ATG10: variants seen among roughly 807,000 people sequenced by gnomAD.
The protein encoded by ATG10 is ubiquitin-like-conjugating enzyme ATG10.
A neutral mutation model predicts 32.1 loss-of-function variants in ATG10; 30 were observed. That is an observed-to-expected ratio of 0.94 (90% confidence interval 0.70 to 1.27). ATG10 has a LOEUF of 1.27. ATG10 is among the 50% of genes most tolerant of loss of function. The pLI is 0.00. For synonymous variants in ATG10, 87 were observed against 91.5 expected (o/e 0.95, Z 0.28); for missense variants, 233 against 262.3 (o/e 0.89, Z 0.77).
intron 4 of ATG10, among the ~76,000 whole-genome samples, chr5:82,169,813 TC>T (rs1392959792): frequency 6.6e-6 from 1 of 152,220 alleles, no homozygotes; most frequent in Non-Finnish European, 1.5e-5. Flanking sequence ...TGAAAAGTTA[TC>T]TAACTAATAC....
intron 1 of ATG10, among the ~76,000 whole-genome samples, chr5:81,985,993 G>A (rs538866326): frequency 2.6e-5 from 4 of 152,146 alleles, no homozygotes; most frequent in Non-Finnish European, 5.9e-5. Context: ...TCCATCTCCT[G>A]ACCTTGTGAT....
chr5:82,010,209 A>G lies in ATG10; in HGVS notation c.108+22531A>G. Reference sequence around the variant, plus strand: ...AGTACAGACAAAATTCTGATTATGAATATCTGTAAAAATGGAGGGGAAAAA... The same window carrying G: ...AGTACAGACAAAATTCTGATTATGAGTATCTGTAAAAATGGAGGGGAAAAA... On this transcript the variant is annotated intron_variant, in intron 2 of 7. Transcript: ENST00000282185. The G allele has an allele frequency of 3.6e-6, 3 of 826,350 alleles. No homozygotes were observed. The Admixed American group carries it at 7.6e-5, about 21-fold the overall frequency. 51.2% of individuals were successfully genotyped at this position (826,350 alleles called of 1,614,324 possible).
chr5:82,178,425 A>G, intron 4 of ATG10, 65 bp from the exon 5 acceptor site: 4 of 960,026 alleles, frequency 4.2e-6, no homozygotes, highest in Non-Finnish European at 6.7e-6. Context: ...GGAGTTTTAG[A>G]TTGACACCAA....
intron 2 of ATG10, among the ~76,000 whole-genome samples, chr5:82,023,897 A>G (rs1355228810): frequency 6.6e-6 from 1 of 152,246 alleles, no homozygotes; most frequent in Non-Finnish European, 1.5e-5. Flanking sequence ...CGATTGCACA[A>G]TGGAGACATG....
chr5:81,997,600 A>G (rs1173707600), intron 2 of ATG10, among the ~76,000 whole-genome samples: 1 of 152,252 alleles, frequency 6.6e-6, no homozygotes, highest in Non-Finnish European at 1.5e-5. Flanking sequence ...TGAGATTCAG[A>G]AGGAAATTGA....
chr5:82,004,687 C>T lies in ATG10; in HGVS notation c.108+17009C>T, dbSNP rs1190577871. 3.3e-5 allele frequency among the ~76,000 whole-genome samples: 5 copies of T among 152,164 alleles called. 1 individual carries two copies. The highest frequency in any genetic ancestry group is 4.1e-4 in the South Asian group (2 of 4,832). On this transcript the variant is annotated intron_variant, in intron 2 of 7. Transcript: ENST00000282185. Reference sequence around the variant, plus strand: ...CATGACGAGTATGCAGTTCAGGTCACGTGTGACTCACGGTGAGTCTGACGA... The same window carrying T: ...CATGACGAGTATGCAGTTCAGGTCATGTGTGACTCACGGTGAGTCTGACGA...
At chr5:82,058,133 A>G (rs1763658372) in intron 2 of ATG10, among the ~76,000 whole-genome samples, 1 of 152,204 alleles carries the variant, frequency 6.6e-6, no homozygotes, top group Admixed American at 6.5e-5. Flanking sequence ...TTCAAGTCCT[A>G]AAATTGTTCT....
At chr5:82,118,797 T>C (rs910399933) in intron 3 of ATG10, among the ~76,000 whole-genome samples, 1 of 152,036 alleles carries the variant, frequency 6.6e-6, no homozygotes, top group Non-Finnish European at 1.5e-5. Context: ...AAGACTGAAC[T>C]CTGGGGAGTA....
chr5:82,213,396 CA>C (rs1745564864), intron 5 of ATG10, among the ~76,000 whole-genome samples: 1 of 152,168 alleles, frequency 6.6e-6, no homozygotes, highest in African/African-American at 2.4e-5. Flanking sequence ...CTCTGGCCAC[CA>C]CCTTGCTTTA....
chr5:82,130,897 A>G (rs529468354), intron 3 of ATG10, among the ~76,000 whole-genome samples: 3 of 152,176 alleles, frequency 2.0e-5, no homozygotes, highest in Non-Finnish European at 4.4e-5. Flanking sequence ...GAAAACATTC[A>G]CAGTCAATCA....
chr5:82,071,292 C>T (rs2149768126), intron 3 of ATG10, among the ~76,000 whole-genome samples: 1 of 152,242 alleles, frequency 6.6e-6, no homozygotes, highest in East Asian at 1.9e-4. Flanking sequence ...TCCATTTTGA[C>T]AGCAGGCATC....
At chr5:82,190,567 T>A (rs1466139239) in intron 5 of ATG10, among the ~76,000 whole-genome samples, 1 of 151,732 alleles carries the variant, frequency 6.6e-6, no homozygotes, top group Non-Finnish European at 1.5e-5. Context: ...GGTCAAGAGA[T>A]CGAGACCATC....
At chr5:82,178,740 A>G (rs1266377843) in intron 5 of ATG10, among the ~76,000 whole-genome samples, 153 bp downstream of exon 5, 1 of 152,020 alleles carries the variant, frequency 6.6e-6, no homozygotes, top group African/African-American at 2.4e-5. Flanking sequence ...TTAAAAAAAA[A>G]CCTTCCCAGA....
chr5:82,001,685 C>G (rs547560960), intron 2 of ATG10, among the ~76,000 whole-genome samples: 7 of 152,250 alleles, frequency 4.6e-5, no homozygotes, highest in South Asian at 2.1e-4. Context: ...TATAAAAACT[C>G]TGGATGATAG....
At chr5:82,138,992 G>A (rs904502173) in intron 3 of ATG10, among the ~76,000 whole-genome samples, 18 of 150,742 alleles carry the variant, frequency 1.2e-4, no homozygotes, top group Non-Finnish European at 2.5e-4. Flanking sequence ...GCCTGCGATC[G>A]CAGGCACGCG....
intron 1 of ATG10, among the ~76,000 whole-genome samples, chr5:81,974,798 CTG>C (rs1266939887): frequency 6.6e-6 from 1 of 152,200 alleles, no homozygotes; most frequent in Admixed American, 6.5e-5. Flanking sequence ...AGTTTTAAGA[CTG>C]TAAACTTCCT....
chr5:82,153,942 G>A (rs1159759648), intron 3 of ATG10, among the ~76,000 whole-genome samples: 1 of 146,598 alleles, frequency 6.8e-6, no homozygotes, highest in Non-Finnish European at 1.5e-5. Context: ...TAGAGACAGG[G>A]TGTCACTCTG....
intron 5 of ATG10, among the ~76,000 whole-genome samples, chr5:82,183,363 GTTGT>G (rs1160812786): frequency 2.0e-5 from 3 of 151,484 alleles, no homozygotes; most frequent in Admixed American, 6.6e-5. Context: ...GAAGAAACAG[GTTGT>G]TTGTTCTGTA....
chr5:81,985,662 T>A (rs916181131), intron 1 of ATG10, among the ~76,000 whole-genome samples: 5 of 152,236 alleles, frequency 3.3e-5, no homozygotes, highest in African/African-American at 1.2e-4. Flanking sequence ...ATCTTTTCAG[T>A]TGTATTGTCC....
Sources: allele counts gnomAD v4.1 joint callset (sites outside exome capture counted in the v4.1 genomes callset), GRCh38; gene constraint gnomAD v4.1.1; transcripts MANE v1.5; gene names NCBI Gene and HGNC (gene_info 2026-07-23, HGNC 2026-07-21).